Variants in GAL3ST1 observed in about 807,000 individuals in gnomAD.
GAL3ST1 encodes the protein galactose-3-O-sulfotransferase 1.
A neutral mutation model predicts 25.0 loss-of-function variants in GAL3ST1; 13 were observed. The ratio of observed to expected loss-of-function variants is 0.52; its 90% CI spans 0.34 to 0.83. The LOEUF (loss-of-function observed/expected upper bound fraction) is 0.83. Among genes scored for constraint, GAL3ST1 ranks in the 40% least tolerant of loss-of-function variants. The pLI, the probability that GAL3ST1 is intolerant of heterozygous loss-of-function variation, is 0.02. For synonymous variants in GAL3ST1, 274 were observed against 277.8 expected (o/e 0.99, Z 0.14); for missense variants, 474 against 613.6 (o/e 0.77, Z 2.40).
chr22:30,568,630 G>A (rs1054804830), intron 1 of GAL3ST1, among the ~76,000 whole-genome samples: 1 of 152,176 alleles, frequency 6.6e-6, no homozygotes, highest in Non-Finnish European at 1.5e-5. Context: ...CCTAGAATGA[G>A]CCACACAGAG....
At chr22:30,561,177 C>T (rs952683524) in intron 1 of GAL3ST1, among the ~76,000 whole-genome samples, 26 of 152,348 alleles carry the variant, frequency 1.7e-4, no homozygotes, top group Admixed American at 7.8e-4. Context: ...CTCCTGACTT[C>T]AAGCGATCCA....
chr22:30,573,866 G>A, intron 1 of GAL3ST1, among the ~76,000 whole-genome samples: 1 of 152,206 alleles, frequency 6.6e-6, no homozygotes, highest in East Asian at 1.9e-4. Context: ...CCTGGGCACT[G>A]GGCTAGGAAA....
chr22:30,573,134 G>C (rs2086827298), intron 1 of GAL3ST1, among the ~76,000 whole-genome samples: 1 of 152,202 alleles, frequency 6.6e-6, no homozygotes, highest in Non-Finnish European at 1.5e-5. Context: ...CGGCTCCCGG[G>C]GTAGCAGCCT....
Position 30,555,968 on chromosome 22 carries a change from G to A in GAL3ST1, c.257C>T (p.Thr86Met). The A allele has an allele frequency of 2.5e-6, 4 of 1,613,832 alleles. No individual in the cohort carries two copies. Among genetic ancestry groups the A allele is most frequent in the East Asian group, 2.2e-5 (1 of 44,868 alleles). Residue 86 changes from threonine to methionine, a missense_variant, in exon 4 of 4, where the codon ACG becomes ATG. Thr to Met is a moderately conservative substitution (Grantham distance 81). This residue lies in a region of GAL3ST1 where 359 missense variants were observed against 504.4 expected (regional missense o/e 0.71). Coordinates refer to ENST00000406361, the MANE Select transcript of GAL3ST1 (RefSeq NM_001318104.2). The surrounding 1 kb of genome is among the most constrained non-coding windows in gnomAD (Gnocchi z 8.6). ...RNIVFLKTHK[T>M]ASSTLLNILF... ...GATGTTGAGCAGGGTGCTGCTGGCC[G>A]TCTTGTGCGTCTTCAAGAACACGAT...
At chr22:30,573,609 C>T (rs2086836345) in intron 1 of GAL3ST1, among the ~76,000 whole-genome samples, 1 of 152,212 alleles carries the variant, frequency 6.6e-6, no homozygotes, top group Non-Finnish European at 1.5e-5. Flanking sequence ...ACCTCTCTCC[C>T]CTCTGGAGGA....
intron 3 of GAL3ST1, among the ~76,000 whole-genome samples, chr22:30,556,984 C>T (rs2086071163): frequency 6.6e-6 from 1 of 152,272 alleles, no homozygotes; most frequent in Non-Finnish European, 1.5e-5. Context: ...ATCTGCCCGC[C>T]TGGGCCTCCC....
chr22:30,573,304 A>C (rs1282928267), intron 1 of GAL3ST1, among the ~76,000 whole-genome samples: 1 of 152,200 alleles, frequency 6.6e-6, no homozygotes, highest in Non-Finnish European at 1.5e-5. Flanking sequence ...AATGGGGGCC[A>C]GGGCAAGACT....
At chr22:30,569,096 A>G (rs2086707530) in intron 1 of GAL3ST1, among the ~76,000 whole-genome samples, 1 of 143,310 alleles carries the variant, frequency 7.0e-6, no homozygotes, top group Non-Finnish European at 1.5e-5. Context: ...AAAAAAAAAA[A>G]GAGGGACATG....
intron 2 of GAL3ST1, chr22:30,557,686 C>T: frequency 3.2e-6 from 1 of 311,940 alleles, no homozygotes; most frequent in Non-Finnish European, 5.8e-6. Context: ...GGTAGAGAAC[C>T]AGGGCCCCAA....
intron 1 of GAL3ST1, among the ~76,000 whole-genome samples, chr22:30,569,596 G>A (rs752353234): frequency 5.1e-4 from 72 of 141,632 alleles, no homozygotes; most frequent in Admixed American, 1.5e-3. Context: ...GGGGGTCTTG[G>A]GGGAGGGAAA....
At position 30,555,942 on chromosome 22, in the gene GAL3ST1, G is replaced by C. The variant is rs1237118669; in HGVS notation, c.283C>G (p.Leu95Val). 2.5e-6 allele frequency: 4 copies of C among 1,614,158 alleles called. No homozygotes were observed. Residue 95 changes from leucine to valine, a missense_variant, in exon 4 of 4, where the codon CTG becomes GTG. Around this residue, in one of 2 missense-constraint regions of GAL3ST1, gnomAD observed 359 missense variants for 504.4 expected, o/e 0.71. Transcript: ENST00000406361. The surrounding 1 kb of genome is among the most constrained non-coding windows in gnomAD (Gnocchi z 8.6). The stretch of plus-strand genomic sequence containing the variant: ...CGGTGCTTCTGGCCGAAGCGGAACA[G>C]GATGTTGAGCAGGGTGCTGCTGGCC... The part of the protein sequence containing the change: ...KTASSTLLNI[L>V]FRFGQKHRLK...
rs1375799660 is a variant in GAL3ST1, at chr22:30,574,606, T to G, written c.-260A>C. On this transcript the variant is annotated 5_prime_UTR_variant, in exon 1 of 4. Transcript: ENST00000406361. The stretch of plus-strand genomic sequence containing the variant: ...TCCATGCCCCCGCCCCCGCCGCCGC[T>G]GCCGCGCCGCGCCCGCTCCCGCGCC... 1 of 134,550 alleles carries G rather than the reference T, an allele frequency of 7.4e-6. No homozygotes were observed. The highest frequency in any genetic ancestry group is 2.8e-5 in the African/African-American group (1 of 35,872). 8.3% of individuals were successfully genotyped at this position (134,550 alleles called of 1,614,324 possible).
rs2085888440 is a variant in GAL3ST1, at chr22:30,554,828, C to G, written c.*125G>C. On this transcript the variant is annotated 3_prime_UTR_variant, in exon 4 of 4. Transcript: ENST00000406361. Reference sequence around the variant, plus strand: ...TGGCTGGCTGCCTCCCCCCAGGGAGCCCCCCCTCACCCCGGGGTCTGAGGT... The same window carrying G: ...TGGCTGGCTGCCTCCCCCCAGGGAGGCCCCCCTCACCCCGGGGTCTGAGGT... The G allele has an allele frequency of 2.9e-6, 2 of 697,526 alleles. No individual in the cohort carries two copies. Among genetic ancestry groups the G allele is most frequent in the Non-Finnish European group, 4.5e-6 (2 of 441,322 alleles). The allele number at this position is 697,526 out of a possible 1,614,324, so 43.2% of individuals were successfully genotyped here. A position where few individuals can be genotyped will look rare whatever the true frequency, so the allele number is the denominator to read the frequency against.
chr22:30,556,886 C>T (rs2146341328), intron 3 of GAL3ST1, among the ~76,000 whole-genome samples: 1 of 152,292 alleles, frequency 6.6e-6, no homozygotes, highest in Non-Finnish European at 1.5e-5. Flanking sequence ...AGACACACAC[C>T]ACCATGCCCA....
At chr22:30,557,693 C>A in intron 2 of GAL3ST1, 1 of 297,016 alleles carries the variant, frequency 3.4e-6, no homozygotes, top group Non-Finnish European at 6.2e-6. Context: ...AACCAGGGCC[C>A]CAAACTTTCC....
chr22:30,557,479 G>A lies in GAL3ST1; in HGVS notation c.-9-78C>T. On this transcript the variant is annotated intron_variant, in intron 2 of 3. Transcript: ENST00000406361. ...CCCCCAAGGCTGCCCAGGCCTGGCA[G>A]TTGAGCCCTGCCTTTGCCTGCTCTG... The A allele has an allele frequency of 8.5e-6, 13 of 1,533,920 alleles. 1 individual carries two copies. In the South Asian group the frequency reaches 1.4e-4, roughly 17 times the overall value.
intron 1 of GAL3ST1, among the ~76,000 whole-genome samples, chr22:30,567,453 AT>A (rs562957345): frequency 1.3e-5 from 2 of 151,588 alleles, no homozygotes; most frequent in Non-Finnish European, 2.9e-5. Context: ...TGGCATTTTG[AT>A]TTTTTGTAGA....
chr22:30,568,936 C>T (rs2086702542), intron 1 of GAL3ST1, among the ~76,000 whole-genome samples: 1 of 151,970 alleles, frequency 6.6e-6, no homozygotes, highest in African/African-American at 2.4e-5. Flanking sequence ...ATTAGCCGGG[C>T]GTGATGGCAG....
At chr22:30,566,472 G>A (rs187220301) in intron 1 of GAL3ST1, among the ~76,000 whole-genome samples, 1 of 152,296 alleles carries the variant, frequency 6.6e-6, no homozygotes, top group African/African-American at 2.4e-5. Flanking sequence ...GCAGGCTTTT[G>A]AACAAGAAGT....
Sources: gnomAD v4.1 joint callset for allele counts (sites outside exome capture counted in the v4.1 genomes callset) on GRCh38, gnomAD v4.1.1 for gene constraint, gnomAD v4.1.1 regional missense constraint, Gnocchi (gnomAD v3.1) non-coding constraint, MANE v1.5 for transcripts, NCBI Gene and HGNC (gene_info 2026-07-23, HGNC 2026-07-21) for gene names.